Variants in CDH4 observed in about 807,000 individuals in gnomAD.
The protein encoded by CDH4 is cadherin-4.
In CDH4, 33 loss-of-function variants were observed where a neutral mutation model predicts 86.0. The observed-to-expected ratio is 0.38, with a 90% confidence interval of 0.29 to 0.51. The LOEUF (loss-of-function observed/expected upper bound fraction) is 0.51. Among genes scored for constraint, CDH4 ranks in the 20% least tolerant of loss-of-function variants. CDH4 has a pLI of 0.86. For missense variants in CDH4, 1,114 were observed against 1,307.4 expected, an observed-to-expected ratio of 0.85 and a Z score of 2.28; for synonymous variants, 555 against 549.4, an observed-to-expected ratio of 1.01 and a Z score of -0.14.
At chr20:61,733,989 T>C (rs2088229533) in intron 2 of CDH4, among the ~76,000 whole-genome samples, 1 of 152,244 alleles carries the variant, frequency 6.6e-6, no homozygotes, top group East Asian at 1.9e-4. Flanking sequence ...GGAGCGCATG[T>C]CACTCAGGGC....
intron 2 of CDH4, among the ~76,000 whole-genome samples, chr20:61,705,974 G>A (rs933399476): frequency 4.6e-5 from 7 of 152,168 alleles, no homozygotes; most frequent in East Asian, 3.9e-4. Context: ...TCTTAAAGGC[G>A]CCTGTGGATT....
chr20:61,296,763 C>T (rs1277829096), intron 2 of CDH4, among the ~76,000 whole-genome samples: 1 of 152,136 alleles, frequency 6.6e-6, no homozygotes, highest in Non-Finnish European at 1.5e-5. Context: ...AAAGAGCAGG[C>T]ATGGCCGAAG....
intron 6 of CDH4, among the ~76,000 whole-genome samples, chr20:61,868,699 T>A (rs75618315): frequency 4.2e-5 from 2 of 47,182 alleles, no homozygotes; most frequent in African/African-American, 5.9e-5. Flanking sequence ...GTCCCTCCAC[T>A]CTGGGCAGGT....
At chr20:61,526,730 G>C (rs907216683) in intron 2 of CDH4, among the ~76,000 whole-genome samples, 2 of 147,138 alleles carry the variant, frequency 1.4e-5, no homozygotes, top group African/African-American at 5.1e-5. Flanking sequence ...TATGAGTGAT[G>C]GGGAGACTGG....
intron 2 of CDH4, among the ~76,000 whole-genome samples, chr20:61,478,161 T>C (rs2145575997): frequency 6.6e-6 from 1 of 152,136 alleles, no homozygotes; most frequent in Admixed American, 6.5e-5. Context: ...AGGACTCCCC[T>C]AAAGGGTTCC....
chr20:61,460,998 A>G (rs1260984153), intron 2 of CDH4, among the ~76,000 whole-genome samples: 1 of 152,114 alleles, frequency 6.6e-6, no homozygotes, highest in Non-Finnish European at 1.5e-5. Context: ...TCCTGCTCCC[A>G]TCTAAGCCGC....
At chr20:61,390,259 G>A (rs371649093) in intron 2 of CDH4, among the ~76,000 whole-genome samples, 10 of 106,458 alleles carry the variant, frequency 9.4e-5, no homozygotes, top group East Asian at 5.6e-4. Flanking sequence ...TTGGGTTCGT[G>A]CGGTCATAGG....
chr20:61,670,445 G>A (rs926123978), intron 2 of CDH4, among the ~76,000 whole-genome samples: 7 of 152,166 alleles, frequency 4.6e-5, no homozygotes, highest in Admixed American at 4.6e-4. Flanking sequence ...CTGTGCACTG[G>A]CCAGACCAGC....
At chr20:61,936,313 G>GC (rs1276049211) in intron 15 of CDH4, among the ~76,000 whole-genome samples, 6 of 48,194 alleles carry the variant, frequency 1.2e-4, no homozygotes, top group Non-Finnish European at 1.9e-4. Flanking sequence ...AACCCTCACA[G>GC]CCCCCCACCC....
intron 2 of CDH4, among the ~76,000 whole-genome samples, chr20:61,637,894 G>A (rs1322594935): frequency 6.6e-6 from 1 of 152,126 alleles, no homozygotes. Context: ...GGTGGTGGGT[G>A]CCTGAAAGCC....
intron 3 of CDH4, among the ~76,000 whole-genome samples, chr20:61,758,322 C>T (rs34494597): frequency 0.055 from 8,402 of 152,292 alleles, 300 homozygotes; most frequent in Non-Finnish European, 0.077. Flanking sequence ...AGGCCAGCCC[C>T]AGTCACAACG....
At chr20:61,420,715 C>T (rs974318948) in intron 2 of CDH4, among the ~76,000 whole-genome samples, 2 of 152,280 alleles carry the variant, frequency 1.3e-5, no homozygotes, top group Admixed American at 1.3e-4. Flanking sequence ...GGTGCCCATG[C>T]ACAGTGCACT....
intron 8 of CDH4, among the ~76,000 whole-genome samples, chr20:61,899,472 G>T (rs561505183): frequency 6.6e-6 from 1 of 152,104 alleles, no homozygotes; most frequent in Non-Finnish European, 1.5e-5. Context: ...CTGTCGCCCA[G>T]GCTGGAGTGC....
At chr20:61,694,027 G>A (rs2087690293) in intron 2 of CDH4, among the ~76,000 whole-genome samples, 1 of 151,590 alleles carries the variant, frequency 6.6e-6, no homozygotes, top group African/African-American at 2.4e-5. Context: ...CGAGTAGGTG[G>A]GATTACAGGT....
chr20:61,424,107 T>TAC (rs1191639942), intron 2 of CDH4, among the ~76,000 whole-genome samples: 1 of 150,510 alleles, frequency 6.6e-6, no homozygotes, highest in African/African-American at 2.5e-5. Context: ...TACACACATA[T>TAC]ACACACATAG....
At chr20:61,331,738 C>T (rs371139949) in intron 2 of CDH4, among the ~76,000 whole-genome samples, 2 of 152,030 alleles carry the variant, frequency 1.3e-5, no homozygotes, top group Non-Finnish European at 1.5e-5. Context: ...AAATGAGATG[C>T]GAGGCACTGT....
At position 61,272,232 on chromosome 20, in the gene CDH4, G is replaced by A. The variant is rs1048973498; in HGVS notation, c.169+17295G>A. ...GGATTCTGGAAGGATATCAATCTCCGACTTGCACATAAAAAGTCCCCCAGT... is the reference window on the plus strand; with the variant it reads ...GGATTCTGGAAGGATATCAATCTCCAACTTGCACATAAAAAGTCCCCCAGT... On this transcript the variant is annotated intron_variant, in intron 2 of 15. Transcript: ENST00000614565. Among the ~76,000 whole-genome samples, 11 of 152,142 alleles carry A rather than the reference G, an allele frequency of 7.2e-5. No individual in the cohort carries two copies. In the South Asian group the frequency reaches 1.7e-3, roughly 23 times the overall value.
intron 2 of CDH4, among the ~76,000 whole-genome samples, chr20:61,353,309 G>A (rs901129683): frequency 2.0e-5 from 3 of 152,054 alleles, no homozygotes; most frequent in Non-Finnish European, 4.4e-5. Flanking sequence ...GGGCAGCCGC[G>A]TGTCCCTGAA....
At chr20:61,715,330 A>T (rs550474845) in intron 2 of CDH4, among the ~76,000 whole-genome samples, 2 of 152,302 alleles carry the variant, frequency 1.3e-5, no homozygotes, top group African/African-American at 4.8e-5. Context: ...AGAGTTTGCA[A>T]ATATTTTCTC....
Sources: allele counts gnomAD v4.1 joint callset (sites outside exome capture counted in the v4.1 genomes callset), GRCh38; gene constraint gnomAD v4.1.1; transcripts MANE v1.5; gene names NCBI Gene and HGNC (gene_info 2026-07-23, HGNC 2026-07-21).